Variants in IMMP2L observed in about 807,000 individuals in gnomAD.
IMMP2L encodes the protein inner mitochondrial membrane peptidase subunit 2, also known as mitochondrial inner membrane protease subunit 2.
A neutral mutation model predicts 19.3 loss-of-function variants in IMMP2L; 18 were observed. That is an observed-to-expected ratio of 0.93 (90% CI 0.64 to 1.38). The LOEUF is 1.38. Among genes scored for constraint, IMMP2L ranks in the 40% most tolerant of loss-of-function variants. The pLI, the probability that IMMP2L is intolerant of heterozygous loss-of-function variation, is 0.00. For synonymous variants in IMMP2L, 76 were observed against 73.0 expected (o/e 1.04, Z -0.21); for missense variants, 233 against 218.2 (o/e 1.07, Z -0.43).
chr7:111,271,308 T>C (rs1818446052), intron 3 of IMMP2L, among the ~76,000 whole-genome samples: 1 of 152,170 alleles, frequency 6.6e-6, no homozygotes, highest in African/African-American at 2.4e-5. Context: ...TTACCCAGTC[T>C]TGGGCAGTCC....
chr7:111,152,649 G>A (rs1804208069), intron 3 of IMMP2L, among the ~76,000 whole-genome samples: 1 of 152,052 alleles, frequency 6.6e-6, no homozygotes, highest in African/African-American at 2.4e-5. Context: ...CAGAACAAAA[G>A]CAGATGCTAG....
chr7:111,062,431 G>T (rs1794104077), intron 3 of IMMP2L, among the ~76,000 whole-genome samples: 2 of 152,268 alleles, frequency 1.3e-5, no homozygotes, highest in South Asian at 2.1e-4. Flanking sequence ...GAGGAGATTT[G>T]GGTGGGGACA....
intron 1 of IMMP2L, among the ~76,000 whole-genome samples, chr7:111,539,210 GAA>G (rs1563330920): frequency 0.022 from 1,471 of 67,752 alleles, 151 homozygotes; most frequent in East Asian, 0.034. Flanking sequence ...AAGAAAGAAA[GAA>G]AGAAAGAAAG....
At chr7:111,191,709 T>C (rs1808899089) in intron 3 of IMMP2L, among the ~76,000 whole-genome samples, 1 of 152,034 alleles carries the variant, frequency 6.6e-6, no homozygotes, top group Non-Finnish European at 1.5e-5. Context: ...GGAAATAAAG[T>C]CAGGCCAAAC....
At chr7:110,720,609 A>T (rs1171433919) in intron 5 of IMMP2L, among the ~76,000 whole-genome samples, 1 of 152,182 alleles carries the variant, frequency 6.6e-6, no homozygotes, top group Admixed American at 6.5e-5. Flanking sequence ...GGAAAATAAC[A>T]TGTAATCTAG....
intron 2 of IMMP2L, among the ~76,000 whole-genome samples, chr7:111,502,037 A>G (rs1844325933): frequency 6.8e-6 from 1 of 146,436 alleles, no homozygotes; most frequent in Non-Finnish European, 1.5e-5. Flanking sequence ...CAAATTGGAT[A>G]AAGAGTCATA....
At chr7:110,678,325 T>C (rs898892470) in intron 5 of IMMP2L, among the ~76,000 whole-genome samples, 2 of 152,136 alleles carry the variant, frequency 1.3e-5, no homozygotes, top group African/African-American at 2.4e-5. Context: ...ACATATGGCA[T>C]AGACATAGTT....
intron 5 of IMMP2L, among the ~76,000 whole-genome samples, chr7:110,682,567 T>C (rs1792801630): frequency 6.6e-6 from 1 of 152,124 alleles, no homozygotes; most frequent in African/African-American, 2.4e-5. Flanking sequence ...AACAAGGTGA[T>C]GGGGGGATGA....
chr7:111,319,529 T>A (rs1824457535), intron 3 of IMMP2L, among the ~76,000 whole-genome samples: 1 of 152,012 alleles, frequency 6.6e-6, no homozygotes, highest in Non-Finnish European at 1.5e-5. Context: ...AGAATAGTAA[T>A]CAGTGAACTA....
At chr7:111,093,144 A>C (rs1262077209) in intron 3 of IMMP2L, among the ~76,000 whole-genome samples, 5 of 152,208 alleles carry the variant, frequency 3.3e-5, no homozygotes, top group Non-Finnish European at 7.3e-5. Context: ...ACAATATGCC[A>C]GTGGCTTCGA....
chr7:111,495,232 T>C (rs1843482625), intron 2 of IMMP2L, among the ~76,000 whole-genome samples: 1 of 152,122 alleles, frequency 6.6e-6, no homozygotes, highest in Admixed American at 6.6e-5. Flanking sequence ...CCCTACTGCT[T>C]ACCCCTCCCC....
chr7:111,351,315 C>T (rs1316677074), intron 3 of IMMP2L, among the ~76,000 whole-genome samples: 1 of 152,112 alleles, frequency 6.6e-6, no homozygotes, highest in Non-Finnish European at 1.5e-5. Flanking sequence ...CTCAGCCTCT[C>T]GAGTAGCTGA....
chr7:111,064,828 C>G (rs138953897), intron 3 of IMMP2L, among the ~76,000 whole-genome samples: 2 of 152,164 alleles, frequency 1.3e-5, no homozygotes, highest in Non-Finnish European at 2.9e-5. Flanking sequence ...TCTACTACTC[C>G]GCAATGGAGA....
In IMMP2L at chr7:110,682,290, G is replaced by T. The variant is rs72603551; in HGVS notation, c.409-18569C>A. 5.5e-3 allele frequency among the ~76,000 whole-genome samples: 830 copies of T among 152,186 alleles called. 19 individuals are homozygous for T. The East Asian group carries it at 0.067, about 12-fold the overall frequency. The stretch of plus-strand genomic sequence containing the variant: ...CCTACATGCCACCTCCTTCTGGAAG[G>T]CTTCCATGACCTCTTCCCAGTTTCA... On this transcript the variant is annotated intron_variant, in intron 5 of 5. Transcript: ENST00000405709.
chr7:111,124,480 C>T (rs191645518), intron 3 of IMMP2L: 3 of 1,613,832 alleles, frequency 1.9e-6, no homozygotes, highest in East Asian at 2.2e-5. Context: ...GCAAAGTGCT[C>T]GAATACCATC....
chr7:111,462,360 C>T (rs1322198789), intron 3 of IMMP2L, among the ~76,000 whole-genome samples: 1 of 151,942 alleles, frequency 6.6e-6, no homozygotes, highest in Non-Finnish European at 1.5e-5. Context: ...AATGGTTTTC[C>T]AAAACTGCCT....
intron 3 of IMMP2L, among the ~76,000 whole-genome samples, chr7:111,474,041 C>T (rs768379667): frequency 1.3e-5 from 2 of 152,002 alleles, no homozygotes; most frequent in African/African-American, 2.4e-5. Flanking sequence ...CAGATGGAGG[C>T]CATTATCCTA....
At chr7:110,767,710 C>G (rs1229476212) in intron 5 of IMMP2L, among the ~76,000 whole-genome samples, 1 of 152,186 alleles carries the variant, frequency 6.6e-6, no homozygotes. Context: ...AGGGGAAGGA[C>G]TGGAACAATC....
chr7:111,275,965 A>G (rs1371135693), intron 3 of IMMP2L, among the ~76,000 whole-genome samples: 1 of 152,144 alleles, frequency 6.6e-6, no homozygotes, highest in Non-Finnish European at 1.5e-5. Flanking sequence ...TTTTCTAGGT[A>G]TAAGATCATA....
Sources: gnomAD v4.1 joint callset for allele counts (sites outside exome capture counted in the v4.1 genomes callset) on GRCh38, gnomAD v4.1.1 for gene constraint, MANE v1.5 for transcripts, NCBI Gene and HGNC (gene_info 2026-07-23, HGNC 2026-07-21) for gene names.